Variants in RAD54L2 observed in about 807,000 individuals in gnomAD.
The protein encoded by RAD54L2 is helicase ARIP4.
RAD54L2 carries 27 observed loss-of-function variants against 138.4 expected under a neutral mutation model. That is an observed-to-expected ratio of 0.20 (90% CI 0.14 to 0.27). RAD54L2 has a LOEUF of 0.27. RAD54L2 is among the 10% of genes least tolerant of loss of function. RAD54L2 has a pLI of 1.00. For missense variants in RAD54L2, 1,396 were observed against 1,890.2 expected, an observed-to-expected ratio of 0.74 and a Z score of 4.85; for synonymous variants, 644 against 723.2, an observed-to-expected ratio of 0.89 and a Z score of 1.76.
intron 3 of RAD54L2, among the ~76,000 whole-genome samples, chr3:51,612,384 C>G (rs1278936582): frequency 6.6e-6 from 1 of 152,160 alleles, no homozygotes; most frequent in Non-Finnish European, 1.5e-5. Flanking sequence ...ATCGCTTGAA[C>G]CTAGGAGGTG....
rs149732684 is a variant in RAD54L2 at position 51,606,482 on chromosome 3, A to G, written c.139+15923A>G. Among the ~76,000 whole-genome samples the G allele has an allele frequency of 1.8e-3, 268 of 152,256 alleles. 1 individual carries two copies. Among genetic ancestry groups the G allele is most frequent in the Admixed American group, 0.011 (174 of 15,280 alleles). On this transcript the variant is annotated intron_variant, in intron 3 of 22. Transcript: ENST00000684192. Reference sequence around the variant, plus strand: ...CCTTGATGGTGACATTGTGGAGTGTAGGATCTTGAGAGAGCCACTGCTCTA... The same window carrying G: ...CCTTGATGGTGACATTGTGGAGTGTGGGATCTTGAGAGAGCCACTGCTCTA...
chr3:51,654,680 G>A (rs898328114), intron 19 of RAD54L2, among the ~76,000 whole-genome samples: 1 of 151,932 alleles, frequency 6.6e-6, no homozygotes, highest in Admixed American at 6.6e-5. Flanking sequence ...CCTCAGGAGT[G>A]GACTAAACCT....
chr3:51,630,477 C>T, intron 6 of RAD54L2, 89 bp downstream of exon 6: 2 of 1,276,588 alleles, frequency 1.6e-6, no homozygotes, highest in Non-Finnish European at 2.2e-6. Context: ...GTCCTTCCTC[C>T]TTCAATTTGG....
chr3:51,539,132 T>A (rs1698488398), intron 1 of RAD54L2, among the ~76,000 whole-genome samples: 1 of 152,130 alleles, frequency 6.6e-6, no homozygotes, highest in South Asian at 2.1e-4. Flanking sequence ...ACCCGGGGCC[T>A]CAGTGGCTTG....
intron 3 of RAD54L2, among the ~76,000 whole-genome samples, chr3:51,626,354 A>C (rs1700681911): frequency 6.9e-6 from 1 of 144,900 alleles, no homozygotes; most frequent in African/African-American, 2.5e-5. Flanking sequence ...GGACAGGGGT[A>C]TGCACATGGA....
chr3:51,633,939 T>C lies in RAD54L2; in HGVS notation c.1046T>C (p.Met349Thr), dbSNP rs1700912405. The C allele has an allele frequency of 6.2e-7, 1 of 1,613,864 alleles. No homozygotes were observed. Among genetic ancestry groups the C allele is most frequent in the South Asian group, 1.1e-5 (1 of 91,080 alleles). The change falls in exon 9 of 23, where the codon ATG (methionine) becomes ACG (threonine). Residue 349 changes from methionine to threonine, a missense_variant. Around this residue, in one of 7 missense-constraint regions of RAD54L2, gnomAD observed 169 missense variants for 235.6 expected, o/e 0.72. Coordinates refer to ENST00000684192, the MANE Select transcript of RAD54L2 (RefSeq NM_015106.4). ...TLQNWLAEFN[M>T]WLPPPEALPA... ...CAGAATTGGCTGGCAGAGTTCAACA[T>C]GTGGCTTCCACCTCCTGAAGCCCTC...
At chr3:51,561,494 C>T (rs1217732558) in intron 2 of RAD54L2, among the ~76,000 whole-genome samples, 1 of 152,224 alleles carries the variant, frequency 6.6e-6, no homozygotes, top group Non-Finnish European at 1.5e-5. Flanking sequence ...ATCTGCCCGC[C>T]TCTGCCTCCC....
At chr3:51,548,338 G>C (rs561965642) in intron 2 of RAD54L2, among the ~76,000 whole-genome samples, 2 of 151,600 alleles carry the variant, frequency 1.3e-5, no homozygotes, top group East Asian at 2.0e-4. Context: ...ACAGGCACCC[G>C]TCATCATGCC....
intron 9 of RAD54L2, among the ~76,000 whole-genome samples, chr3:51,635,009 A>G (rs536255791): frequency 1.6e-4 from 24 of 152,342 alleles, no homozygotes; most frequent in African/African-American, 5.5e-4. Context: ...CACACATAAA[A>G]ATGAGGAGAT....
At chr3:51,661,612 C>G (rs1169890004) in intron 22 of RAD54L2, among the ~76,000 whole-genome samples, 1 of 152,204 alleles carries the variant, frequency 6.6e-6, no homozygotes, top group South Asian at 2.1e-4. Flanking sequence ...CATTTATCCT[C>G]CCACCCCTGA....
chr3:51,548,652 C>G (rs531669211), intron 2 of RAD54L2, among the ~76,000 whole-genome samples: 2 of 152,166 alleles, frequency 1.3e-5, no homozygotes, highest in South Asian at 4.1e-4. Context: ...TTTTCTGATT[C>G]TAAGTTTAGA....
intron 2 of RAD54L2, among the ~76,000 whole-genome samples, chr3:51,566,329 C>T (rs1290405539): frequency 6.6e-6 from 1 of 152,014 alleles, no homozygotes; most frequent in Non-Finnish European, 1.5e-5. Context: ...TTAAAGGGTA[C>T]ACTCCCAGTC....
At chr3:51,570,438 C>T (rs963254835) in intron 2 of RAD54L2, among the ~76,000 whole-genome samples, 3 of 150,340 alleles carry the variant, frequency 2.0e-5, no homozygotes, top group African/African-American at 2.4e-5. Flanking sequence ...CCACTGCACC[C>T]GGCCCTCTTT....
intron 1 of RAD54L2, among the ~76,000 whole-genome samples, chr3:51,539,948 T>A (rs1371357744): frequency 6.6e-6 from 1 of 152,240 alleles, no homozygotes; most frequent in Non-Finnish European, 1.5e-5. Context: ...GTGACTGTCA[T>A]TGACAACATT....
chr3:51,629,819 C>T (rs139854135), intron 5 of RAD54L2, among the ~76,000 whole-genome samples: 2,404 of 151,908 alleles, frequency 0.016, 44 homozygotes, highest in South Asian at 0.03. Context: ...GCTGAGACTG[C>T]GCCACTGTAC....
intron 2 of RAD54L2, among the ~76,000 whole-genome samples, chr3:51,586,129 G>A (rs559250117): frequency 9.9e-4 from 150 of 152,136 alleles, no homozygotes; most frequent in African/African-American, 3.5e-3. Context: ...ATGTGTGTGT[G>A]AGGGTGGAGC....
At chr3:51,604,584 G>A (rs561596012) in intron 3 of RAD54L2, among the ~76,000 whole-genome samples, 1 of 152,334 alleles carries the variant, frequency 6.6e-6, no homozygotes, top group East Asian at 1.9e-4. Flanking sequence ...TGAGGTAAAT[G>A]TCCTCATCTG....
chr3:51,642,725 C>T (rs549199975), intron 15 of RAD54L2, among the ~76,000 whole-genome samples: 1 of 152,178 alleles, frequency 6.6e-6, no homozygotes, highest in South Asian at 2.1e-4. Flanking sequence ...TCATTGAGAA[C>T]CACTGCCCTA....
chr3:51,657,505 TG>T, intron 20 of RAD54L2, 74 bp from the exon 21 acceptor site: 1 of 950,108 alleles, frequency 1.1e-6, no homozygotes, highest in Non-Finnish European at 1.7e-6. Context: ...GGGGTAGATG[TG>T]GGACTTTGCA....
Sources: gnomAD v4.1 joint callset for allele counts (sites outside exome capture counted in the v4.1 genomes callset) on GRCh38, gnomAD v4.1.1 for gene constraint, gnomAD v4.1.1 regional missense constraint, MANE v1.5 for transcripts, NCBI Gene and HGNC (gene_info 2026-07-23, HGNC 2026-07-21) for gene names.